The following TOP6BL variants were observed in gnomAD, a reference collection of about 807,000 sequenced individuals.
The protein encoded by TOP6BL is TOP6B like initiator of meiotic double strand breaks, also known as type 2 DNA topoisomerase 6 subunit B-like.
chr11:66,843,328 CTCTTCCGCGTCT>C, the TOP6BL span: 6 of 1,504,180 alleles, frequency 4.0e-6, no homozygotes, highest in South Asian at 6.1e-5. Flanking sequence ...TCACCAAGTC[CTCTTCCGCGTCT>C]GCTTCCGCGT....
chr11:66,832,446 G>A, the TOP6BL span, among the ~76,000 whole-genome samples: 1 of 152,212 alleles, frequency 6.6e-6, no homozygotes, highest in Admixed American at 6.5e-5. Context: ...TACCTCCTCT[G>A]CATCTGCTCT....
the TOP6BL span, chr11:66,788,088 TAAAC>T: frequency 1.8e-6 from 2 of 1,088,704 alleles, no homozygotes; most frequent in Non-Finnish European, 2.8e-6. Context: ...ACCAGTTTAA[TAAAC>T]AAATCCAGAA....
chr11:66,819,621 C>T, the TOP6BL span, among the ~76,000 whole-genome samples: 438 of 151,704 alleles, frequency 2.9e-3, 2 homozygotes, highest in African/African-American at 0.01. Flanking sequence ...TACAAATTTG[C>T]CCGGGCATGG....
At chr11:66,776,916 T>C in the TOP6BL span, among the ~76,000 whole-genome samples, 1 of 151,998 alleles carries the variant, frequency 6.6e-6, no homozygotes, top group Admixed American at 6.6e-5. Flanking sequence ...CTGGGCATGG[T>C]GGTGTGCAGC....
At chr11:66,822,433 A>G in the TOP6BL span, 3 of 625,046 alleles carry the variant, frequency 4.8e-6, no homozygotes, top group East Asian at 5.6e-5. Context: ...TGAGGATCTC[A>G]GTAACTTTTG....
At chr11:66,796,396 C>G in the TOP6BL span, 2 of 1,509,160 alleles carry the variant, frequency 1.3e-6, no homozygotes, top group East Asian at 4.5e-5. Flanking sequence ...TAATGATTCT[C>G]TTATTTAAGT....
chr11:66,840,055 G>T, the TOP6BL span, among the ~76,000 whole-genome samples: 1 of 152,140 alleles, frequency 6.6e-6, no homozygotes, highest in Non-Finnish European at 1.5e-5. Flanking sequence ...TTATAATCTG[G>T]TGGAACCCCT....
At chr11:66,769,881 C>CT in the TOP6BL span, among the ~76,000 whole-genome samples, 3 of 151,740 alleles carry the variant, frequency 2.0e-5, no homozygotes, top group African/African-American at 4.8e-5. Context: ...GCTGGGACTA[C>CT]AGGCGCCCAC....
chr11:66,757,041 G>A, the TOP6BL span, among the ~76,000 whole-genome samples: 1 of 150,774 alleles, frequency 6.6e-6, no homozygotes, highest in Non-Finnish European at 1.5e-5. Flanking sequence ...GGCGGAGGCG[G>A]CGGTGGGGGG....
At chr11:66,843,295 G>T in the TOP6BL span, 3 of 1,579,760 alleles carry the variant, frequency 1.9e-6, no homozygotes, top group Middle Eastern at 2.3e-4. Context: ...GTTATCCCGT[G>T]GTTTAATAAA....
At chr11:66,817,542 A>C in the TOP6BL span, among the ~76,000 whole-genome samples, 1 of 152,054 alleles carries the variant, frequency 6.6e-6, no homozygotes, top group Non-Finnish European at 1.5e-5. Flanking sequence ...GGGTTCAAGC[A>C]ATTTTCCTGC....
the TOP6BL span, among the ~76,000 whole-genome samples, chr11:66,812,277 C>T: frequency 9.2e-5 from 14 of 151,742 alleles, no homozygotes; most frequent in African/African-American, 1.7e-4. Context: ...CCCGGGTTCA[C>T]GCCATTCTTC....
At chr11:66,788,349 C>G in the TOP6BL span, 1 of 1,090,464 alleles carries the variant, frequency 9.2e-7, no homozygotes. Flanking sequence ...AAAGAAAAGC[C>G]TAGGTCCATC....
chr11:66,799,598 G>C, the TOP6BL span, among the ~76,000 whole-genome samples: 2 of 151,712 alleles, frequency 1.3e-5, no homozygotes, highest in Non-Finnish European at 2.9e-5. Context: ...TGTAGTCCCA[G>C]CTACTCGGGA....
At chr11:66,762,399 T>A in the TOP6BL span, 4 of 351,278 alleles carry the variant, frequency 1.1e-5, no homozygotes, top group South Asian at 1.0e-4. Flanking sequence ...AGTGGCAGCA[T>A]GGCGGAGAGG....
At chr11:66,823,657 T>A in the TOP6BL span, among the ~76,000 whole-genome samples, 3 of 151,872 alleles carry the variant, frequency 2.0e-5, no homozygotes, top group Non-Finnish European at 4.4e-5. Flanking sequence ...CCGTCTCTAC[T>A]AAAAATACAA....
the TOP6BL span, chr11:66,759,059 C>T: frequency 6.4e-7 from 1 of 1,569,646 alleles, no homozygotes; most frequent in South Asian, 1.2e-5. Context: ...CTGCAGGAAG[C>T]CTTTTTGGTG....
the TOP6BL span, among the ~76,000 whole-genome samples, chr11:66,758,615 G>A: frequency 2.0e-5 from 3 of 152,054 alleles, no homozygotes; most frequent in Non-Finnish European, 2.9e-5. Flanking sequence ...CACCCGGCCG[G>A]TATTTTCTAT....
the TOP6BL span, among the ~76,000 whole-genome samples, chr11:66,836,026 C>T: frequency 6.6e-6 from 1 of 152,142 alleles, no homozygotes; most frequent in Admixed American, 6.5e-5. Flanking sequence ...GTGATGGTTC[C>T]AATTTCTCTA....
Sources: gnomAD v4.1 joint callset for allele counts (sites outside exome capture counted in the v4.1 genomes callset) on GRCh38, gnomAD v4.1.1 for gene constraint, MANE v1.5 for transcripts, NCBI Gene and HGNC (gene_info 2026-07-23, HGNC 2026-07-21) for gene names.